The following ATF6 variants were observed in gnomAD, a reference collection of about 807,000 sequenced individuals.
The protein encoded by ATF6 is cyclic AMP-dependent transcription factor ATF-6 alpha.
Under a neutral mutation model 83.6 loss-of-function variants are expected in ATF6, and 53 were observed. The ratio of observed to expected loss-of-function variants is 0.63; its 90% CI spans 0.51 to 0.80. The LOEUF (loss-of-function observed/expected upper bound fraction) is 0.80, where lower values mean the gene tolerates loss of function less well. ATF6 is among the 30% of genes least tolerant of loss of function. ATF6 has a pLI of 0.00. For synonymous variants in ATF6, 288 were observed against 285.8 expected, an observed-to-expected ratio of 1.01 and a Z score of -0.08; for missense variants, 744 against 797.9, an observed-to-expected ratio of 0.93 and a Z score of 0.81.
intron 8 of ATF6, 103 bp from the exon 9 acceptor site, chr1:161,820,965 CAA>C (rs752848119): frequency 1.7e-4 from 99 of 572,964 alleles, no homozygotes; most frequent in Non-Finnish European, 2.5e-4. Context: ...ATTTGTAAGA[CAA>C]GAGATTTACG....
intron 7 of ATF6, among the ~76,000 whole-genome samples, chr1:161,812,334 A>G (rs1268777990): frequency 7.0e-6 from 1 of 142,728 alleles, no homozygotes; most frequent in Non-Finnish European, 1.5e-5. Flanking sequence ...AAAACTTAAA[A>G]TCTGAAAATG....
chr1:161,868,338 C>T (rs1503815), intron 14 of ATF6, among the ~76,000 whole-genome samples: 40,070 of 151,996 alleles, frequency 0.26, 8,866 homozygotes, highest in African/African-American at 0.61. Context: ...ATGACTTTGG[C>T]AGGCACTGGG....
chr1:161,814,320 G>T (rs979124336), intron 7 of ATF6, among the ~76,000 whole-genome samples: 1 of 152,192 alleles, frequency 6.6e-6, no homozygotes. Context: ...TGTGCCCATG[G>T]TGTGGCTTTG....
At position 161,937,322 on chromosome 1, in the gene ATF6, C is replaced by T. The variant is rs879117049; in HGVS notation, c.1805-21124C>T. On this transcript the variant is annotated intron_variant, in intron 15 of 15. Coordinates refer to ENST00000367942, the MANE Select transcript of ATF6 (RefSeq NM_007348.4). ...TTGTGCCACTGCACTCCAGCCTGGG[C>T]GACAGAGTGAGACTCCCTCTCAGTT... is the stretch of plus-strand genomic sequence containing the variant. 3.9e-4 allele frequency among the ~76,000 whole-genome samples: 50 copies of T among 128,594 alleles called. 1 individual carries two copies. Among genetic ancestry groups the T allele is most frequent in the South Asian group, 5.0e-4 (2 of 4,002 alleles). 84.4% of individuals were successfully genotyped at this position (128,594 alleles called of 152,430 possible).
At chr1:161,924,126 T>C (rs961652852) in intron 15 of ATF6, among the ~76,000 whole-genome samples, 3 of 152,236 alleles carry the variant, frequency 2.0e-5, no homozygotes, top group Non-Finnish European at 2.9e-5. Flanking sequence ...TTTAGAAGAA[T>C]TGCTTAGTAA....
At chr1:161,828,932 T>C (rs1316333469) in intron 9 of ATF6, among the ~76,000 whole-genome samples, 2 of 152,026 alleles carry the variant, frequency 1.3e-5, no homozygotes, top group African/African-American at 4.8e-5. Flanking sequence ...AATAAAGGGA[T>C]GGAGGAAGAT....
chr1:161,878,246 T>G (rs971849204), intron 14 of ATF6, among the ~76,000 whole-genome samples: 1 of 152,104 alleles, frequency 6.6e-6, no homozygotes, highest in African/African-American at 2.4e-5. Context: ...CCTGAGAAGC[T>G]GGGATTACAA....
At chr1:161,783,297 T>C (rs1254972559) in intron 3 of ATF6, among the ~76,000 whole-genome samples, 1 of 152,052 alleles carries the variant, frequency 6.6e-6, no homozygotes. Flanking sequence ...GGTGGGAAAG[T>C]GGCAAGATCA....
chr1:161,772,753 A>G (rs976994010), intron 1 of ATF6, among the ~76,000 whole-genome samples: 1 of 150,768 alleles, frequency 6.6e-6, no homozygotes, highest in Non-Finnish European at 1.5e-5. Context: ...ATAGTACTCT[A>G]GCTAGAGTTA....
intron 14 of ATF6, among the ~76,000 whole-genome samples, chr1:161,878,709 A>G (rs1687268532): frequency 6.6e-6 from 1 of 152,152 alleles, no homozygotes; most frequent in Non-Finnish European, 1.5e-5. Flanking sequence ...AGACTTTTGA[A>G]TGGGGAAGGA....
intron 9 of ATF6, chr1:161,840,541 T>C (rs1159576463): frequency 6.6e-6 from 1 of 152,228 alleles, no homozygotes; most frequent in East Asian, 1.9e-4. Flanking sequence ...TAGAATAGAC[T>C]TGGAGATATG....
intron 14 of ATF6, among the ~76,000 whole-genome samples, chr1:161,897,413 G>C (rs1274092620): frequency 1.3e-5 from 2 of 151,844 alleles, no homozygotes; most frequent in Admixed American, 1.3e-4. Context: ...CTCCAGCCTG[G>C]GAAACAGAGC....
At chr1:161,904,298 T>C (rs1178056735) in intron 14 of ATF6, among the ~76,000 whole-genome samples, 4 of 152,040 alleles carry the variant, frequency 2.6e-5, no homozygotes, top group Non-Finnish European at 5.9e-5. Flanking sequence ...ACTTTAAAAC[T>C]GAATGGAAGC....
chr1:161,848,650 A>G (rs1017863075), intron 10 of ATF6, among the ~76,000 whole-genome samples: 2 of 152,166 alleles, frequency 1.3e-5, no homozygotes, highest in African/African-American at 4.8e-5. Flanking sequence ...GTCTTGGATA[A>G]ATGAGAAAGG....
At chr1:161,943,920 T>C (rs1298603922) in intron 15 of ATF6, among the ~76,000 whole-genome samples, 1 of 152,230 alleles carries the variant, frequency 6.6e-6, no homozygotes, top group Non-Finnish European at 1.5e-5. Flanking sequence ...AGAATGTGAA[T>C]GCTGTGAGGG....
At chr1:161,788,638 T>C (rs1343667759) in intron 4 of ATF6, among the ~76,000 whole-genome samples, 1 of 152,130 alleles carries the variant, frequency 6.6e-6, no homozygotes, top group Non-Finnish European at 1.5e-5. Flanking sequence ...CACAGAGGTA[T>C]TCTGCATTTT....
At chr1:161,851,481 A>T (rs1686631383) in intron 10 of ATF6, among the ~76,000 whole-genome samples, 1 of 152,144 alleles carries the variant, frequency 6.6e-6, no homozygotes, top group Non-Finnish European at 1.5e-5. Context: ...GCTTATTCCA[A>T]ATTAATTGCT....
At position 161,881,535 on chromosome 1, in the gene ATF6, C is replaced by G. The variant is rs1475470691; in HGVS notation, c.1719+18223C>G. On this transcript the variant is annotated intron_variant, in intron 14 of 15. Transcript: ENST00000367942. ...ATTAACAAAGGATACAGATGAATAG[C>G]CCGATGGAAGAGATGCATAGGGCAA... is the stretch of plus-strand genomic sequence containing the variant. 2.0e-5 allele frequency among the ~76,000 whole-genome samples: 3 copies of G among 152,032 alleles called. 1 individual carries two copies. The highest frequency in any genetic ancestry group is 4.1e-4 in the South Asian group (2 of 4,820).
chr1:161,950,730 T>C (rs1688846183), intron 15 of ATF6, among the ~76,000 whole-genome samples: 1 of 152,214 alleles, frequency 6.6e-6, no homozygotes, highest in Admixed American at 6.5e-5. Flanking sequence ...AGTCTTCTCA[T>C]GGGCCCCTTT....
Sources: gnomAD v4.1 joint callset for allele counts (sites outside exome capture counted in the v4.1 genomes callset) on GRCh38, gnomAD v4.1.1 for gene constraint, MANE v1.5 for transcripts, NCBI Gene and HGNC (gene_info 2026-07-23, HGNC 2026-07-21) for gene names.